The following MIPOL1 variants were observed in gnomAD, a reference collection of about 807,000 sequenced individuals.
MIPOL1 encodes mirror-image polydactyly 1, also known as mirror-image polydactyly gene 1 protein.
Under a neutral mutation model 60.9 loss-of-function variants are expected in MIPOL1, and 57 were observed. That is an observed-to-expected ratio of 0.94 (90% CI 0.76 to 1.17). MIPOL1 has a LOEUF of 1.17. Ranked by LOEUF, MIPOL1 falls within the 50% of genes most tolerant of loss-of-function variation. MIPOL1 has a pLI of 0.00. For synonymous variants in MIPOL1, 179 were observed against 168.8 expected, an observed-to-expected ratio of 1.06 and a Z score of -0.47; for missense variants, 551 against 511.6, an observed-to-expected ratio of 1.08 and a Z score of -0.74.
chr14:37,415,746 T>A (rs59571379), intron 10 of MIPOL1, among the ~76,000 whole-genome samples: 8,714 of 152,172 alleles, frequency 0.057, 874 homozygotes, highest in African/African-American at 0.2. Context: ...AAACCCTTGC[T>A]CCACCATTCA....
chr14:37,383,419 A>G (rs1372367681), intron 10 of MIPOL1, among the ~76,000 whole-genome samples: 1 of 151,882 alleles, frequency 6.6e-6, no homozygotes, highest in Non-Finnish European at 1.5e-5. Context: ...CATTTTAAAT[A>G]CTAGAAAGAC....
intron 7 of MIPOL1, among the ~76,000 whole-genome samples, chr14:37,297,349 T>G (rs545106213): frequency 6.6e-6 from 1 of 152,302 alleles, no homozygotes; most frequent in East Asian, 1.9e-4. Context: ...GCCAGTATCA[T>G]ACTGAATGAA....
chr14:37,240,204 A>G (rs1026822980), intron 1 of MIPOL1, among the ~76,000 whole-genome samples: 2 of 152,112 alleles, frequency 1.3e-5, no homozygotes, highest in African/African-American at 2.4e-5. Flanking sequence ...GTTAGTATTT[A>G]TTGTTAAACT....
chr14:37,304,391 A>G (rs1266528523), intron 7 of MIPOL1, among the ~76,000 whole-genome samples: 1 of 151,700 alleles, frequency 6.6e-6, no homozygotes, highest in Admixed American at 6.6e-5. Context: ...AGTTAAAATT[A>G]CCTACATATA....
intron 11 of MIPOL1, among the ~76,000 whole-genome samples, chr14:37,483,566 G>C (rs1017048887): frequency 2.6e-5 from 4 of 152,022 alleles, no homozygotes; most frequent in Non-Finnish European, 5.9e-5. Flanking sequence ...CTGAAAGCAG[G>C]TTCCTCCAAA....
chr14:37,236,194 A>G (rs1971451035), intron 1 of MIPOL1, among the ~76,000 whole-genome samples: 1 of 151,976 alleles, frequency 6.6e-6, no homozygotes, highest in African/African-American at 2.4e-5. Flanking sequence ...CCAAACTGCT[A>G]GGATTACAGA....
intron 12 of MIPOL1, among the ~76,000 whole-genome samples, chr14:37,518,372 A>G (rs1032077801): frequency 6.6e-6 from 1 of 152,186 alleles, no homozygotes; most frequent in Non-Finnish European, 1.5e-5. Context: ...TTTGAGACAG[A>G]GTCTTACTCT....
intron 3 of MIPOL1, among the ~76,000 whole-genome samples, chr14:37,265,027 T>C (rs2082774026): frequency 6.6e-6 from 1 of 152,214 alleles, no homozygotes; most frequent in South Asian, 2.1e-4. Context: ...CCTTGGACTT[T>C]GTCCTTAATA....
intron 10 of MIPOL1, among the ~76,000 whole-genome samples, chr14:37,387,098 T>G (rs1018112825): frequency 1.3e-5 from 2 of 151,818 alleles, no homozygotes; most frequent in African/African-American, 4.8e-5. Context: ...TCCATCTAGG[T>G]GAAGAATGCT....
chr14:37,274,638 A>G (rs1171131852), intron 6 of MIPOL1, among the ~76,000 whole-genome samples: 1 of 151,418 alleles, frequency 6.6e-6, no homozygotes, highest in East Asian at 1.9e-4. Flanking sequence ...AGTAGTGGTT[A>G]AATGCGCAGA....
chr14:37,454,846 G>C (rs1034675426), intron 11 of MIPOL1, among the ~76,000 whole-genome samples: 1 of 152,034 alleles, frequency 6.6e-6, no homozygotes, highest in Non-Finnish European at 1.5e-5. Context: ...AATTGTTTCT[G>C]ATTATTTCAT....
chr14:37,493,851 G>C (rs895704654), intron 11 of MIPOL1, among the ~76,000 whole-genome samples: 1 of 152,104 alleles, frequency 6.6e-6, no homozygotes, highest in African/African-American at 2.4e-5. Context: ...GTGACTCTTT[G>C]GCTGTTATTT....
At chr14:37,431,247 CCTACATAGGTAAT>C (rs2094058422) in intron 11 of MIPOL1, among the ~76,000 whole-genome samples, 1 of 152,180 alleles carries the variant, frequency 6.6e-6, no homozygotes, top group African/African-American at 2.4e-5. Flanking sequence ...GCAATTGCCT[CCTACATAGGTAAT>C]CTTTGATTCA....
chr14:37,525,126 C>G (rs1053514715), intron 12 of MIPOL1, among the ~76,000 whole-genome samples: 1 of 152,130 alleles, frequency 6.6e-6, no homozygotes, highest in African/African-American at 2.4e-5. Flanking sequence ...ATTTCTTCTG[C>G]CTTCCAATTC....
intron 12 of MIPOL1, chr14:37,506,645 T>C (rs2095279041): frequency 6.6e-6 from 1 of 152,116 alleles, no homozygotes; most frequent in Non-Finnish European, 1.5e-5. Flanking sequence ...ATAAAAACTC[T>C]AGAAGAAAAC....
intron 11 of MIPOL1, among the ~76,000 whole-genome samples, chr14:37,485,693 G>C (rs1050476038): frequency 6.6e-6 from 1 of 151,856 alleles, no homozygotes; most frequent in Non-Finnish European, 1.5e-5. Flanking sequence ...TTTTTTTCTT[G>C]TAAATTTGTC....
chr14:37,302,760 A>G (rs375067341), intron 7 of MIPOL1, among the ~76,000 whole-genome samples: 14 of 150,952 alleles, frequency 9.3e-5, no homozygotes, highest in East Asian at 7.8e-4. Flanking sequence ...TCTGTGGGTT[A>G]ATTTCTGAAT....
intron 12 of MIPOL1, chr14:37,501,518 T>G (rs1458165693): frequency 2.6e-5 from 4 of 152,206 alleles, no homozygotes; most frequent in African/African-American, 9.6e-5. Context: ...ATTTTTTAGA[T>G]CTCATCAACT....
At chr14:37,536,695 T>G (rs1240661315) in intron 12 of MIPOL1, among the ~76,000 whole-genome samples, 1 of 152,212 alleles carries the variant, frequency 6.6e-6, no homozygotes, top group Admixed American at 6.5e-5. Context: ...ATTACCAAAT[T>G]ATTTTAGACT....
Sources: gnomAD v4.1 joint callset for allele counts (sites outside exome capture counted in the v4.1 genomes callset) on GRCh38, gnomAD v4.1.1 for gene constraint, MANE v1.5 for transcripts, NCBI Gene and HGNC (gene_info 2026-07-23, HGNC 2026-07-21) for gene names.